PLCXD3: variants seen among roughly 807,000 people sequenced by gnomAD.
The protein encoded by PLCXD3 is phosphatidylinositol specific phospholipase C X domain containing 3, also known as PI-PLC X domain-containing protein 3.
PLCXD3 carries 19 observed loss-of-function variants against 25.5 expected under a neutral mutation model. That is an observed-to-expected ratio of 0.75 (90% CI 0.52 to 1.09). The LOEUF is 1.09. Among genes scored for constraint, PLCXD3 ranks in the 50% least tolerant of loss-of-function variants. PLCXD3 has a pLI of 0.00. For synonymous variants in PLCXD3, 174 were observed against 137.6 expected (o/e 1.26, Z -1.85); for missense variants, 411 against 388.1 (o/e 1.06, Z -0.50).
chr5:41,344,428 A>G (rs949098058), intron 2 of PLCXD3, among the ~76,000 whole-genome samples: 3 of 152,112 alleles, frequency 2.0e-5, no homozygotes, highest in African/African-American at 7.2e-5. Context: ...CAAATGATCA[A>G]CTCGTCAATT....
At position 41,363,767 on chromosome 5, in the gene PLCXD3, A is replaced by T. The variant is rs139008235; in HGVS notation, c.812+18059T>A. On this transcript the variant is annotated intron_variant, in intron 2 of 2. Transcript: ENST00000377801. Reference sequence around the variant, plus strand: ...ATTTATCCTGAAAGGAGAAGGACTTATCCCTGACTAAAATTATTCTTAAAA... The same window carrying T: ...ATTTATCCTGAAAGGAGAAGGACTTTTCCCTGACTAAAATTATTCTTAAAA... Among the ~76,000 whole-genome samples the T allele has an allele frequency of 7.4e-3, 1,127 of 152,350 alleles. 10 individuals carry two copies. The highest frequency in any genetic ancestry group is 0.025 in the African/African-American group (1,039 of 41,586).
chr5:41,455,496 A>G (rs575298684), intron 1 of PLCXD3, among the ~76,000 whole-genome samples: 4 of 152,016 alleles, frequency 2.6e-5, no homozygotes, highest in African/African-American at 9.6e-5. Flanking sequence ...AGCCAGAGCA[A>G]AGGGGTAAGC....
At chr5:41,510,348 C>G (rs1739021140) in intron 1 of PLCXD3, 76 bp downstream of exon 1, 1 of 1,306,610 alleles carries the variant, frequency 7.7e-7, no homozygotes, top group Non-Finnish European at 1.1e-6. Flanking sequence ...CAAGTTACCA[C>G]TTAGTGGCAG....
In PLCXD3 at chr5:41,400,419, A is replaced by G. The variant is rs1395431795; in HGVS notation, c.104-17885T>C. 2.6e-5 allele frequency among the ~76,000 whole-genome samples: 4 copies of G among 152,164 alleles called. No individual in the cohort carries two copies. In the East Asian group the frequency reaches 5.8e-4, roughly 22 times the overall value. On this transcript the variant is annotated intron_variant, in intron 1 of 2. Transcript: ENST00000377801. ...TGTTGCAGCACTGTTTACAATACCT[A>G]AGATTTGGAAGCAACCTATGTGTCC... is the stretch of plus-strand genomic sequence containing the variant.
At chr5:41,438,476 A>T (rs1747306320) in intron 1 of PLCXD3, among the ~76,000 whole-genome samples, 1 of 152,300 alleles carries the variant, frequency 6.6e-6, no homozygotes, top group Admixed American at 6.5e-5. Context: ...GGGTGGAACC[A>T]GGGGAAGTTT....
intron 2 of PLCXD3, among the ~76,000 whole-genome samples, chr5:41,372,277 T>TTCTCTC (rs745662352): frequency 5.0e-4 from 65 of 129,456 alleles, no homozygotes; most frequent in African/African-American, 1.8e-3. Context: ...TATGTATTCA[T>TTCTCTC]TCTCTCTCTC....
intron 1 of PLCXD3, among the ~76,000 whole-genome samples, chr5:41,495,844 G>A (rs1748825798): frequency 1.3e-5 from 2 of 151,900 alleles, no homozygotes; most frequent in South Asian, 4.2e-4. Context: ...AAAGGTACAA[G>A]AAATATGAAT....
intron 1 of PLCXD3, among the ~76,000 whole-genome samples, chr5:41,498,988 T>C (rs2111575050): frequency 6.6e-6 from 1 of 151,598 alleles, no homozygotes; most frequent in South Asian, 2.1e-4. Flanking sequence ...ACAAATTAGA[T>C]ATAAGAGAAA....
intron 2 of PLCXD3, among the ~76,000 whole-genome samples, chr5:41,322,899 A>G (rs1030005575): frequency 1.3e-5 from 2 of 151,918 alleles, no homozygotes; most frequent in African/African-American, 4.8e-5. Context: ...GCTTGAACCC[A>G]GGAGGAGGAG....
intron 1 of PLCXD3, among the ~76,000 whole-genome samples, chr5:41,474,064 C>A (rs75235442): frequency 3.3e-5 from 5 of 152,070 alleles, no homozygotes; most frequent in African/African-American, 1.2e-4. Context: ...ACCATCGTTA[C>A]GAGACTGAAC....
At chr5:41,420,711 G>T (rs1012169596) in intron 1 of PLCXD3, among the ~76,000 whole-genome samples, 1 of 152,160 alleles carries the variant, frequency 6.6e-6, no homozygotes, top group Non-Finnish European at 1.5e-5. Flanking sequence ...TTGCATGGCA[G>T]GATAATTGTA....
At chr5:41,436,861 AG>A (rs1387689426) in intron 1 of PLCXD3, among the ~76,000 whole-genome samples, 4 of 152,330 alleles carry the variant, frequency 2.6e-5, no homozygotes, top group Non-Finnish European at 5.9e-5. Context: ...ACTAAAGTTC[AG>A]TTATTTAATT....
At chr5:41,460,350 T>A (rs1340538147) in intron 1 of PLCXD3, among the ~76,000 whole-genome samples, 4 of 152,006 alleles carry the variant, frequency 2.6e-5, no homozygotes, top group Admixed American at 2.6e-4. Context: ...TGCTTAGATG[T>A]ACGGTCTAAT....
chr5:41,308,364 C>T lies in PLCXD3; in HGVS notation c.*5253G>A, dbSNP rs1743050711. On this transcript the variant is annotated 3_prime_UTR_variant, in exon 3 of 3. Coordinates refer to ENST00000377801, the MANE Select transcript of PLCXD3 (RefSeq NM_001005473.3). Reference sequence around the variant, plus strand: ...CTGTTTATCTGAAATTTAAATTTCACTGGATATCCTGTATTTTACCTGGCA... The same window carrying T: ...CTGTTTATCTGAAATTTAAATTTCATTGGATATCCTGTATTTTACCTGGCA... 1 of 152,058 alleles carries T rather than the reference C, an allele frequency of 6.6e-6. No individual in the cohort carries two copies. Among genetic ancestry groups the T allele is most frequent in the South Asian group, 2.1e-4 (1 of 4,830 alleles). The allele number at this position is 152,058 out of a possible 1,614,324, so 9.4% of individuals were successfully genotyped here.
intron 1 of PLCXD3, among the ~76,000 whole-genome samples, chr5:41,464,274 T>C (rs1747959183): frequency 6.6e-6 from 1 of 152,036 alleles, no homozygotes; most frequent in African/African-American, 2.4e-5. Flanking sequence ...ATTACCTACT[T>C]AGTTAAGCTC....
chr5:41,363,311 A>G (rs1300644774), intron 2 of PLCXD3, among the ~76,000 whole-genome samples: 2 of 152,210 alleles, frequency 1.3e-5, no homozygotes, highest in Non-Finnish European at 2.9e-5. Flanking sequence ...TACAGTCACT[A>G]GCATACACTC....
At chr5:41,338,785 C>G (rs2150476966) in intron 2 of PLCXD3, among the ~76,000 whole-genome samples, 1 of 152,180 alleles carries the variant, frequency 6.6e-6, no homozygotes, top group South Asian at 2.1e-4. Flanking sequence ...TTAAATACCC[C>G]CATTTACTTT....
intron 1 of PLCXD3, among the ~76,000 whole-genome samples, chr5:41,455,084 A>C (rs1451454492): frequency 6.6e-6 from 1 of 151,900 alleles, no homozygotes; most frequent in East Asian, 1.9e-4. Context: ...CCATGATTCA[A>C]CCACCTCCAC....
Position 41,481,760 on chromosome 5 carries a change from G to A in PLCXD3, c.103+28664C>T, listed in dbSNP as rs1383956263. 2.6e-5 allele frequency among the ~76,000 whole-genome samples: 4 copies of A among 152,180 alleles called. No homozygotes were observed. In the East Asian group the frequency reaches 7.7e-4, roughly 29 times the overall value. On this transcript the variant is annotated intron_variant, in intron 1 of 2. Coordinates refer to ENST00000377801, the MANE Select transcript of PLCXD3 (RefSeq NM_001005473.3). ...CAAAAGAAGGGAGAGAAGCTTCTGGGGCACTGCTTTGCCCTCTGGGATGAG... is the reference window on the plus strand; with the variant it reads ...CAAAAGAAGGGAGAGAAGCTTCTGGAGCACTGCTTTGCCCTCTGGGATGAG...
Sources: allele counts gnomAD v4.1 joint callset (sites outside exome capture counted in the v4.1 genomes callset), GRCh38; gene constraint gnomAD v4.1.1; transcripts MANE v1.5; gene names NCBI Gene and HGNC (gene_info 2026-07-23, HGNC 2026-07-21).